The following ZNF157 variants were observed in gnomAD, a reference collection of about 807,000 sequenced individuals.
ZNF157 encodes the protein zinc finger protein 157.
In ZNF157, 8 loss-of-function variants were observed where a neutral mutation model predicts 9.4. That is an observed-to-expected ratio of 0.85 (90% CI 0.50 to 1.53). The LOEUF is 1.53. Among genes scored for constraint, ZNF157 ranks in the 40% most tolerant of loss-of-function variants. The pLI is 0.00. For synonymous variants in ZNF157, 120 were observed against 130.8 expected, an observed-to-expected ratio of 0.92 and a Z score of 0.56; for missense variants, 316 against 385.2, an observed-to-expected ratio of 0.82 and a Z score of 1.50.
intron 2 of ZNF157, 64 bp from the exon 3 acceptor site, chrX:47,410,616 C>A: frequency 9.4e-7 from 1 of 1,058,890 alleles, no homozygotes; most frequent in Non-Finnish European, 1.3e-6. Context: ...CACCTTCCTC[C>A]TCCATCAGAG....
chrX:47,392,967 C>T (rs1379991367), intron 1 of ZNF157, among the ~76,000 whole-genome samples: 1 of 110,758 alleles, frequency 9.0e-6, no homozygotes, highest in East Asian at 2.9e-4. Context: ...CCAGCCTGGC[C>T]AACATGGTGA....
intron 1 of ZNF157, among the ~76,000 whole-genome samples, chrX:47,375,755 G>C (rs1040653811): frequency 4.6e-5 from 5 of 108,228 alleles, no homozygotes; most frequent in African/African-American, 1.4e-4. Flanking sequence ...GTGCCATGGT[G>C]TGATCACTGC....
At chrX:47,386,436 A>G (rs1602763212) in intron 1 of ZNF157, among the ~76,000 whole-genome samples, 1 of 111,291 alleles carries the variant, frequency 9.0e-6, no homozygotes, top group South Asian at 3.8e-4. Context: ...CGAGTGTTAT[A>G]TAAATGAAAG....
rs2055974967 is a variant in ZNF157, at chrX:47,413,821, C to T, written c.*227C>T. The T allele has an allele frequency of 3.0e-5, 11 of 360,761 alleles. No individual in the cohort carries two copies. The South Asian group carries it at 1.5e-3, about 50-fold the overall frequency. 29.7% of individuals were successfully genotyped at this position (360,761 alleles called of 1,213,427 possible). On this transcript the variant is annotated 3_prime_UTR_variant, in exon 4 of 4. Transcript: ENST00000377073. ...CTTCTGTGCATTGACTGTTCATGTC[C>T]TCTGCTCATTGTTTTCAAATGGGCT...
In ZNF157 at chrX:47,413,047, C is replaced by A; in HGVS notation, c.974C>A (p.Thr325Lys). The A allele has an allele frequency of 8.3e-7, 1 of 1,210,967 alleles. No individual in the cohort carries two copies. Among genetic ancestry groups the A allele is most frequent in the Non-Finnish European group, 1.1e-6 (1 of 894,997 alleles). ...KSLNQHQRIH[T>K]GEKPYECGEC... ...CTAAATCAGCATCAAAGAATTCACA[C>A]AGGTGAGAAACCCTATGAGTGTGGT... The change falls in exon 4 of 4, where the codon ACA becomes AAA. Residue 325 changes from threonine to lysine, a missense_variant. Physicochemically the swap from Thr to Lys is moderately conservative, Grantham distance 78 (BLOSUM62 -1). Around this residue, in one of 3 missense-constraint regions of ZNF157, gnomAD observed 167 missense variants for 183.6 expected, o/e 0.91. Transcript: ENST00000377073.
chrX:47,392,899 T>C (rs2055901321), intron 1 of ZNF157, among the ~76,000 whole-genome samples: 1 of 111,681 alleles, frequency 9.0e-6, no homozygotes, highest in Non-Finnish European at 1.9e-5. Context: ...CTCATGCCTG[T>C]AATTCTGGCA....
chrX:47,384,637 C>G (rs899322220), intron 1 of ZNF157, among the ~76,000 whole-genome samples: 2 of 112,420 alleles, frequency 1.8e-5, no homozygotes, highest in Non-Finnish European at 3.7e-5. Flanking sequence ...GGGTGCCGCA[C>G]AGACAGATTA....
At chrX:47,374,993 A>G (rs1334031164) in intron 1 of ZNF157, among the ~76,000 whole-genome samples, 2 of 65,779 alleles carry the variant, frequency 3.0e-5, no homozygotes, top group Admixed American at 4.2e-4. Context: ...AGCCCGGCTG[A>G]CAATCTTTTT....
chrX:47,385,190 T>C (rs1014339970), intron 1 of ZNF157, among the ~76,000 whole-genome samples: 1 of 112,399 alleles, frequency 8.9e-6, no homozygotes, highest in Non-Finnish European at 1.9e-5. Context: ...TTAGTGTTAT[T>C]CAGTTGAGAA....
At chrX:47,399,997 T>C (rs1257031201) in intron 1 of ZNF157, among the ~76,000 whole-genome samples, 11 of 32,729 alleles carry the variant, frequency 3.4e-4, no homozygotes, top group East Asian at 2.7e-3. Context: ...CTCTCTCTCT[T>C]TTTTTTTTTT....
intron 1 of ZNF157, among the ~76,000 whole-genome samples, chrX:47,404,352 A>G (rs946222652): frequency 9.2e-6 from 1 of 108,599 alleles, no homozygotes; most frequent in Non-Finnish European, 1.9e-5. Context: ...TTTAGTAAAG[A>G]TGGGATTTCA....
At chrX:47,399,592 T>C (rs1194782366) in intron 1 of ZNF157, among the ~76,000 whole-genome samples, 12 of 112,279 alleles carry the variant, frequency 1.1e-4, no homozygotes, top group African/African-American at 3.9e-4. Flanking sequence ...GAATGTTCCA[T>C]TGATTCTGCT....
intron 1 of ZNF157, among the ~76,000 whole-genome samples, chrX:47,407,607 T>C (rs987373206): frequency 8.9e-6 from 1 of 112,381 alleles, no homozygotes; most frequent in Non-Finnish European, 1.9e-5. Flanking sequence ...GGTGAATTTA[T>C]GTGAATAAAA....
At chrX:47,392,051 G>A (rs1308943965) in intron 1 of ZNF157, among the ~76,000 whole-genome samples, 7 of 109,856 alleles carry the variant, frequency 6.4e-5, no homozygotes, top group African/African-American at 9.9e-5. Flanking sequence ...CACCATGCCC[G>A]GCTAATTTTT....
chrX:47,407,092 C>G lies in ZNF157; in HGVS notation c.73-3184C>G, dbSNP rs767596330. ...ATTTTGTCAAATGACTTTTCTATAT[C>G]AATTGATGATTGTGTGGTTTTTCTG... is the stretch of plus-strand genomic sequence containing the variant. On this transcript the variant is annotated intron_variant, in intron 1 of 3. Transcript: ENST00000377073. 4.2e-4 allele frequency among the ~76,000 whole-genome samples: 47 copies of G among 112,094 alleles called. 1 individual carries two copies. Among genetic ancestry groups the G allele is most frequent in the African/African-American group, 1.5e-3 (45 of 30,940 alleles).
chrX:47,410,283 T>C lies in ZNF157; in HGVS notation c.80T>C (p.Val27Ala). 1.7e-6 allele frequency: 2 copies of C among 1,211,412 alleles called. No individual in the cohort carries two copies. The highest frequency in any genetic ancestry group is 2.2e-6 in the Non-Finnish European group (2 of 895,470). Residue 27 changes from valine to alanine, a missense_variant, in exon 2 of 4, where the codon GTG becomes GCG. This residue lies in a region of ZNF157 where 146 missense variants were observed against 183.8 expected (regional missense o/e 0.79). Transcript: ENST00000377073. Reference protein sequence around the residue: ...GEPGRSFEGSVSFEDVAVDFT... With the variant: ...GEPGRSFEGSASFEDVAVDFT... ...TGGAGATTGTTATTACAGGGGTCCG[T>C]GTCATTCGAGGATGTGGCTGTGGAT...
chrX:47,401,907 T>A (rs1176029608), intron 1 of ZNF157, among the ~76,000 whole-genome samples: 1 of 109,526 alleles, frequency 9.1e-6, no homozygotes, highest in Non-Finnish European at 1.9e-5. Flanking sequence ...ACCCACTAAT[T>A]TTTTATATTT....
intron 1 of ZNF157, among the ~76,000 whole-genome samples, chrX:47,396,046 C>T (rs1468493372): frequency 2.7e-5 from 3 of 111,439 alleles, no homozygotes; most frequent in Non-Finnish European, 5.6e-5. Context: ...GGGAACAAAA[C>T]AAATACTTGT....
intron 1 of ZNF157, among the ~76,000 whole-genome samples, chrX:47,403,946 G>GA (rs1330349625): frequency 9.0e-6 from 1 of 110,770 alleles, no homozygotes; most frequent in Non-Finnish European, 1.9e-5. Flanking sequence ...GAGGCGGGCA[G>GA]ATCACTTGAG....
Sources: gnomAD v4.1 joint callset for allele counts (sites outside exome capture counted in the v4.1 genomes callset) on GRCh38, gnomAD v4.1.1 for gene constraint, gnomAD v4.1.1 regional missense constraint, MANE v1.5 for transcripts, NCBI Gene and HGNC (gene_info 2026-07-23, HGNC 2026-07-21) for gene names.